Variants in SH3D19 observed in about 807,000 individuals in gnomAD.
The protein encoded by SH3D19 is SH3 domain-containing protein 19.
A neutral mutation model predicts 112.1 loss-of-function variants in SH3D19; 58 were observed. That is an observed-to-expected ratio of 0.52 (90% confidence interval 0.42 to 0.64). The LOEUF (loss-of-function observed/expected upper bound fraction) is 0.64. SH3D19 is among the 30% of genes least tolerant of loss of function. SH3D19 has a pLI of 0.00. For missense variants in SH3D19, 1,090 were observed against 1,263.4 expected, an observed-to-expected ratio of 0.86 and a Z score of 2.08; for synonymous variants, 391 against 448.5, an observed-to-expected ratio of 0.87 and a Z score of 1.62.
chr4:151,282,018 G>A, intron 1 of SH3D19: 1 of 894,654 alleles, frequency 1.1e-6, no homozygotes. Flanking sequence ...CCTAGTTGAA[G>A]TTGGAAGCAC....
At position 151,311,326 on chromosome 4, in the gene SH3D19, G is replaced by T. The variant is rs532746083; in HGVS notation, c.112+13915C>A. ...AAGTAGGATCACTTGAGCCCAGGAG[G>T]TCAAGGATGCAGTGAGCCATGATCA... On this transcript the variant is annotated intron_variant, in intron 1 of 19. Transcript: ENST00000604030. 2.0e-5 allele frequency among the ~76,000 whole-genome samples: 3 copies of T among 151,904 alleles called. No individual in the cohort carries two copies. The East Asian group carries it at 5.9e-4, about 30-fold the overall frequency.
intron 1 of SH3D19, among the ~76,000 whole-genome samples, chr4:151,267,390 G>A (rs917726721): frequency 2.0e-5 from 3 of 151,118 alleles, no homozygotes; most frequent in Non-Finnish European, 4.4e-5. Flanking sequence ...GTTCATTGTT[G>A]GAAAGCTATA....
intron 9 of SH3D19, among the ~76,000 whole-genome samples, chr4:151,151,767 A>G (rs1249757851): frequency 1.3e-5 from 2 of 152,214 alleles, no homozygotes; most frequent in East Asian, 1.9e-4. Flanking sequence ...AAATATTGCC[A>G]TGATGCTTGA....
At chr4:151,261,242 A>G (rs1453119347) in intron 1 of SH3D19, 1 of 152,194 alleles carries the variant, frequency 6.6e-6, no homozygotes, top group Non-Finnish European at 1.5e-5. Context: ...CAAGAAACCC[A>G]CGGTATCTCT....
chr4:151,306,560 A>C (rs1434512368), intron 1 of SH3D19, among the ~76,000 whole-genome samples: 1 of 152,236 alleles, frequency 6.6e-6, no homozygotes, highest in Non-Finnish European at 1.5e-5. Flanking sequence ...GGGAAAAAAG[A>C]ATATTGGAAT....
At chr4:151,245,405 A>T (rs1770870464) in intron 1 of SH3D19, among the ~76,000 whole-genome samples, 1 of 152,158 alleles carries the variant, frequency 6.6e-6, no homozygotes, top group Admixed American at 6.5e-5. Flanking sequence ...CTCCTCCCTT[A>T]GCAGCGTGAA....
rs986965503 is a variant in SH3D19 at position 151,282,476 on chromosome 4, T to C, written c.112+42765A>G. ...ATCCTCTTGTACTCCAGAACATTCA[T>C]ATTCTAGGCATATCCTTACCATGGA... On this transcript the variant is annotated intron_variant, in intron 1 of 19. Coordinates refer to ENST00000604030, the MANE Select transcript of SH3D19 (RefSeq NM_001378122.1). 5 of 1,549,394 alleles carry C rather than the reference T, an allele frequency of 3.2e-6. No individual in the cohort carries two copies. In the Admixed American group the frequency reaches 5.2e-5, roughly 16 times the overall value.
chr4:151,161,394 T>C (rs1470886831), intron 8 of SH3D19, among the ~76,000 whole-genome samples: 1 of 152,174 alleles, frequency 6.6e-6, no homozygotes, highest in Non-Finnish European at 1.5e-5. Context: ...ATATATGCAT[T>C]ATTATATTAA....
intron 1 of SH3D19, 46 bp from the exon 2 acceptor site, chr4:151,226,132 C>T: frequency 8.1e-7 from 1 of 1,230,792 alleles, no homozygotes; most frequent in South Asian, 4.1e-5. Context: ...TCTTTAAAAG[C>T]TCTGGAAAGA....
intron 1 of SH3D19, among the ~76,000 whole-genome samples, chr4:151,314,087 C>T (rs1561454121): frequency 6.6e-6 from 1 of 152,116 alleles, no homozygotes; most frequent in Non-Finnish European, 1.5e-5. Context: ...GGAAACAAAG[C>T]TCCAGTATAA....
intron 2 of SH3D19, among the ~76,000 whole-genome samples, chr4:151,199,813 G>T (rs1764132883): frequency 6.6e-6 from 1 of 152,146 alleles, no homozygotes; most frequent in Non-Finnish European, 1.5e-5. Context: ...TAATCCCAAT[G>T]TTATTTGTAA....
At chr4:151,304,000 A>G (rs1417467884) in intron 1 of SH3D19, among the ~76,000 whole-genome samples, 1 of 150,410 alleles carries the variant, frequency 6.6e-6, no homozygotes, top group Non-Finnish European at 1.5e-5. Context: ...TTTTTTTTTA[A>G]GAGATAGGGT....
intron 7 of SH3D19, among the ~76,000 whole-genome samples, chr4:151,172,057 T>C (rs1214313704): frequency 3.9e-5 from 6 of 152,230 alleles, no homozygotes; most frequent in Non-Finnish European, 1.5e-5. Flanking sequence ...TGCTATTTTA[T>C]TAGATTTTCT....
At chr4:151,138,684 TCTCACACACACACACACACACACACA>T in intron 13 of SH3D19, among the ~76,000 whole-genome samples, 1 of 135,894 alleles carries the variant, frequency 7.4e-6, no homozygotes, top group East Asian at 2.0e-4. Context: ...CAAGATCTTG[TCTCACACACACACACACACACACACA>T]CACACACACA....
At chr4:151,294,506 G>A (rs1426101154) in intron 1 of SH3D19, among the ~76,000 whole-genome samples, 1 of 152,222 alleles carries the variant, frequency 6.6e-6, no homozygotes, top group Non-Finnish European at 1.5e-5. Context: ...ACCAAGGGTA[G>A]GCACCTAACA....
At chr4:151,208,827 A>G (rs1201638797) in intron 2 of SH3D19, among the ~76,000 whole-genome samples, 1 of 151,160 alleles carries the variant, frequency 6.6e-6, no homozygotes, top group Non-Finnish European at 1.5e-5. Flanking sequence ...ACAGGCGCCC[A>G]CCACCACGCC....
intron 1 of SH3D19, among the ~76,000 whole-genome samples, chr4:151,249,982 C>A (rs1771235443): frequency 6.6e-6 from 1 of 152,058 alleles, no homozygotes; most frequent in Non-Finnish European, 1.5e-5. Flanking sequence ...ATCAAACTGG[C>A]CAAAATGTAG....
chr4:151,152,911 C>G (rs776969546), intron 9 of SH3D19, among the ~76,000 whole-genome samples: 8 of 151,170 alleles, frequency 5.3e-5, no homozygotes, highest in Non-Finnish European at 1.0e-4. Flanking sequence ...TCTTGGCTCA[C>G]TGCAACCTCC....
chr4:151,132,795 C>T (rs1751003166), intron 16 of SH3D19, among the ~76,000 whole-genome samples: 1 of 152,108 alleles, frequency 6.6e-6, no homozygotes, highest in African/African-American at 2.4e-5. Context: ...GCCATCATAC[C>T]CAGCCTCTTT....
Sources: gnomAD v4.1 joint callset for allele counts (sites outside exome capture counted in the v4.1 genomes callset) on GRCh38, gnomAD v4.1.1 for gene constraint, MANE v1.5 for transcripts, NCBI Gene and HGNC (gene_info 2026-07-23, HGNC 2026-07-21) for gene names.